SEMA6A: variants seen among roughly 807,000 people sequenced by gnomAD.
The protein encoded by SEMA6A is semaphorin-6A.
A neutral mutation model predicts 96.8 loss-of-function variants in SEMA6A; 25 were observed. The ratio of observed to expected loss-of-function variants is 0.26; its 90% CI spans 0.19 to 0.36. The LOEUF (loss-of-function observed/expected upper bound fraction) is 0.36. Among genes scored for constraint, SEMA6A ranks in the 10% least tolerant of loss-of-function variants. SEMA6A has a pLI of 1.00. For synonymous variants in SEMA6A, 612 were observed against 518.0 expected, an observed-to-expected ratio of 1.18 and a Z score of -2.46; for missense variants, 1,363 against 1,323.1, an observed-to-expected ratio of 1.03 and a Z score of -0.47.
chr5:116,560,091 C>A (rs1182104698), intron 1 of SEMA6A, among the ~76,000 whole-genome samples: 1 of 152,192 alleles, frequency 6.6e-6, no homozygotes, highest in African/African-American at 2.4e-5. Flanking sequence ...CACCTCTGGG[C>A]TTTGCTCCTG....
At chr5:116,518,031 C>T (rs924181171) in intron 1 of SEMA6A, among the ~76,000 whole-genome samples, 3 of 152,228 alleles carry the variant, frequency 2.0e-5, no homozygotes, top group East Asian at 1.9e-4. Context: ...TGCTTTGTTA[C>T]AGGTACCTGC....
At chr5:116,466,175 AGCCTG>A (rs1298154542) in intron 18 of SEMA6A, among the ~76,000 whole-genome samples, 1 of 151,394 alleles carries the variant, frequency 6.6e-6, no homozygotes, top group Non-Finnish European at 1.5e-5. Flanking sequence ...GTTCAAGACC[AGCCTG>A]GCCAACATGG....
intron 1 of SEMA6A, among the ~76,000 whole-genome samples, chr5:116,508,790 T>A (rs1291770553): frequency 1.3e-5 from 2 of 152,038 alleles, no homozygotes; most frequent in Non-Finnish European, 2.9e-5. Context: ...ACGGAAACAT[T>A]CCCACTCCTT....
intron 1 of SEMA6A, among the ~76,000 whole-genome samples, chr5:116,529,072 C>T (rs1304629398): frequency 2.0e-5 from 3 of 152,146 alleles, no homozygotes; most frequent in Non-Finnish European, 4.4e-5. Context: ...GTGTTATTAA[C>T]CTCATGCATG....
At chr5:116,545,818 A>G (rs1028774019) in intron 1 of SEMA6A, among the ~76,000 whole-genome samples, 3 of 152,176 alleles carry the variant, frequency 2.0e-5, no homozygotes, top group Non-Finnish European at 4.4e-5. Context: ...TCTTTGGATG[A>G]AGACTTGGAG....
Position 116,574,748 on chromosome 5 carries a change from C to A in SEMA6A, c.-602G>T, listed in dbSNP as rs1199165879. 2 of 152,414 alleles carry A rather than the reference C, an allele frequency of 1.3e-5. No homozygotes were observed. The highest frequency in any genetic ancestry group is 2.4e-5 in the African/African-American group (1 of 41,476). The allele number at this position is 152,414 out of a possible 1,614,324, so 9.4% of individuals were successfully genotyped here. A position where few individuals can be genotyped will look rare whatever the true frequency, so the allele number is the denominator to read the frequency against. ...CGCGGAGGAGCGCCGCTGCTGGGTTCCGAGCGCCTGGGCAGCCGAGTGCGC... is the reference window on the plus strand; with the variant it reads ...CGCGGAGGAGCGCCGCTGCTGGGTTACGAGCGCCTGGGCAGCCGAGTGCGC... On this transcript the variant is annotated 5_prime_UTR_variant, in exon 1 of 19. Transcript: ENST00000343348.
chr5:116,559,574 G>T (rs934723786), intron 1 of SEMA6A, among the ~76,000 whole-genome samples: 4 of 152,092 alleles, frequency 2.6e-5, no homozygotes, highest in African/African-American at 9.7e-5. Context: ...TTGTTGGTGC[G>T]CTCTCGGGGT....
At chr5:116,519,689 A>ACACG (rs753006118) in intron 1 of SEMA6A, among the ~76,000 whole-genome samples, 10 of 148,934 alleles carry the variant, frequency 6.7e-5, no homozygotes, top group Non-Finnish European at 1.5e-4. Context: ...ACACACACAC[A>ACACG]CACGCACACA....
intron 11 of SEMA6A, 84 bp downstream of exon 11, chr5:116,482,360 G>T (rs780637720): frequency 1.4e-6 from 2 of 1,422,260 alleles, no homozygotes; most frequent in African/African-American, 1.4e-5. Context: ...GCACTGGTGC[G>T]CAGTTCATAG....
chr5:116,564,453 T>C (rs1266660987), intron 1 of SEMA6A, among the ~76,000 whole-genome samples: 2 of 152,214 alleles, frequency 1.3e-5, no homozygotes, highest in African/African-American at 4.8e-5. Flanking sequence ...CTTAGACTGG[T>C]AGGAGTCCTT....
At position 116,467,602 on chromosome 5, in the gene SEMA6A, A is replaced by T; in HGVS notation, c.1875T>A (p.His625Gln). The T allele has an allele frequency of 1.9e-6, 3 of 1,612,518 alleles. No homozygotes were observed. The highest frequency in any genetic ancestry group is 2.5e-6 in the Non-Finnish European group (3 of 1,179,446). ...STDPLGAVSSHNHQDKKGVIR... is the reference protein window; with the variant it reads ...STDPLGAVSSQNHQDKKGVIR... ...CCTTACCCTTCTTGTCTTGGTGATT[A>T]TGGGAAGACACTGCCCCCAAAGGGT... Residue 625 changes from histidine to glutamine, a missense_variant, in exon 18 of 19, where the codon CAT becomes CAA. Transcript: ENST00000343348.
Position 116,496,247 on chromosome 5 carries a change from C to T in SEMA6A, c.342+4G>A, listed in dbSNP as rs374218693. 25 of 1,613,202 alleles carry T rather than the reference C, an allele frequency of 1.5e-5. No individual in the cohort carries two copies. The highest frequency in any genetic ancestry group is 1.9e-5 in the Non-Finnish European group (22 of 1,179,390). ...CAGCTGCAGGAGAAATGAAAATTGC[C>T]TACCTTATGTTTTCCCTTCATTCTG... On this transcript the variant is annotated splice_donor_region_variant and intron_variant, in intron 5 of 18. Transcript: ENST00000343348.
chr5:116,573,688 C>A (rs1421780851), intron 1 of SEMA6A, among the ~76,000 whole-genome samples: 1 of 152,170 alleles, frequency 6.6e-6, no homozygotes, highest in Non-Finnish European at 1.5e-5. Flanking sequence ...CTCCGCGGAA[C>A]CCCTTCTCCC....
intron 11 of SEMA6A, among the ~76,000 whole-genome samples, chr5:116,480,562 G>T (rs1756703463): frequency 6.6e-6 from 1 of 152,178 alleles, no homozygotes; most frequent in African/African-American, 2.4e-5. Context: ...CAGTGATGGA[G>T]CTTGAAACAA....
intron 18 of SEMA6A, among the ~76,000 whole-genome samples, chr5:116,460,091 CAT>C (rs1452538372): frequency 6.6e-6 from 1 of 151,884 alleles, no homozygotes; most frequent in African/African-American, 2.4e-5. Context: ...GGAGGGCAGC[CAT>C]ATAATTTAGG....
intron 1 of SEMA6A, among the ~76,000 whole-genome samples, chr5:116,534,690 A>G (rs540423140): frequency 6.6e-6 from 1 of 152,310 alleles, no homozygotes; most frequent in Admixed American, 6.5e-5. Flanking sequence ...GTAGTGGGAA[A>G]TGAGCTTGTA....
At chr5:116,553,456 G>C (rs887373199) in intron 1 of SEMA6A, among the ~76,000 whole-genome samples, 4 of 152,168 alleles carry the variant, frequency 2.6e-5, no homozygotes, top group African/African-American at 9.7e-5. Flanking sequence ...GCAGAGCCTT[G>C]GAGAAAAGTG....
intron 1 of SEMA6A, among the ~76,000 whole-genome samples, chr5:116,514,981 T>C (rs1444027637): frequency 6.6e-6 from 1 of 152,218 alleles, no homozygotes; most frequent in African/African-American, 2.4e-5. Context: ...TTGCCAAGAA[T>C]ACCACCTGGA....
At chr5:116,556,585 G>A (rs1277660578) in intron 1 of SEMA6A, among the ~76,000 whole-genome samples, 1 of 152,174 alleles carries the variant, frequency 6.6e-6, no homozygotes, top group East Asian at 1.9e-4. Context: ...GCACAGAGAT[G>A]TTAAGTAATG....
Sources: allele counts gnomAD v4.1 joint callset (sites outside exome capture counted in the v4.1 genomes callset), GRCh38; gene constraint gnomAD v4.1.1; transcripts MANE v1.5; gene names NCBI Gene and HGNC (gene_info 2026-07-23, HGNC 2026-07-21).